Variants in SLC24A3 observed in about 807,000 individuals in gnomAD.
SLC24A3 encodes solute carrier family 24 member 3.
In SLC24A3, 28 loss-of-function variants were observed where a neutral mutation model predicts 75.8. The ratio of observed to expected loss-of-function variants is 0.37; its 90% CI spans 0.27 to 0.51. The LOEUF (loss-of-function observed/expected upper bound fraction) is 0.51, where lower values mean the gene tolerates loss of function less well. Among genes scored for constraint, SLC24A3 ranks in the 20% least tolerant of loss-of-function variants. The pLI is 0.94. For synonymous variants in SLC24A3, 372 were observed against 334.1 expected (o/e 1.11, Z -1.24); for missense variants, 663 against 847.8 (o/e 0.78, Z 2.71).
intron 3 of SLC24A3, among the ~76,000 whole-genome samples, chr20:19,556,245 G>A (rs1228341104): frequency 2.0e-5 from 3 of 152,062 alleles, no homozygotes; most frequent in Admixed American, 6.6e-5. Flanking sequence ...TAGCACCACC[G>A]GCATCCAGAG....
intron 3 of SLC24A3, among the ~76,000 whole-genome samples, chr20:19,531,319 A>C (rs781093372): frequency 2.6e-5 from 4 of 152,238 alleles, no homozygotes; most frequent in African/African-American, 7.2e-5. Context: ...GTAATTAGGA[A>C]TTCTTCTGTC....
intron 2 of SLC24A3, among the ~76,000 whole-genome samples, chr20:19,514,043 T>C (rs557899750): frequency 6.6e-6 from 1 of 152,336 alleles, no homozygotes; most frequent in African/African-American, 2.4e-5. Context: ...ACGTACCCTT[T>C]GGCCCAAACA....
At chr20:19,258,814 C>T (rs1982898616) in intron 1 of SLC24A3, among the ~76,000 whole-genome samples, 1 of 152,118 alleles carries the variant, frequency 6.6e-6, no homozygotes, top group African/African-American at 2.4e-5. Context: ...AAGCAGCAGA[C>T]AGGCAGCTTG....
intron 1 of SLC24A3, among the ~76,000 whole-genome samples, chr20:19,216,618 A>C (rs1019480425): frequency 6.6e-6 from 1 of 152,114 alleles, no homozygotes; most frequent in Non-Finnish European, 1.5e-5. Context: ...CAAAAACAGA[A>C]AAAAAGGAAA....
chr20:19,683,648 T>C (rs1340033785), intron 10 of SLC24A3, among the ~76,000 whole-genome samples: 2 of 152,204 alleles, frequency 1.3e-5, no homozygotes, highest in African/African-American at 4.8e-5. Context: ...TGAATATTGC[T>C]GACATTTGAA....
chr20:19,602,594 G>A (rs1262098319), intron 6 of SLC24A3, among the ~76,000 whole-genome samples: 2 of 152,144 alleles, frequency 1.3e-5, no homozygotes, highest in African/African-American at 4.8e-5. Context: ...TAGAATCCAA[G>A]CCATAACACA....
At chr20:19,441,165 C>G (rs1987292931) in intron 2 of SLC24A3, among the ~76,000 whole-genome samples, 1 of 152,188 alleles carries the variant, frequency 6.6e-6, no homozygotes, top group Non-Finnish European at 1.5e-5. Context: ...TGTATGGGAC[C>G]TTCCCTTCCT....
intron 2 of SLC24A3, among the ~76,000 whole-genome samples, chr20:19,470,485 T>C (rs1793269948): frequency 6.6e-6 from 1 of 152,192 alleles, no homozygotes. Context: ...CCTTAAAATA[T>C]GGATGACATC....
intron 2 of SLC24A3, among the ~76,000 whole-genome samples, chr20:19,281,839 AT>A (rs1162230817): frequency 6.6e-6 from 1 of 152,124 alleles, no homozygotes; most frequent in African/African-American, 2.4e-5. Flanking sequence ...TCTTAAAATA[AT>A]TTTTTATAAT....
chr20:19,485,501 G>A (rs1988115177), intron 2 of SLC24A3, among the ~76,000 whole-genome samples: 1 of 152,198 alleles, frequency 6.6e-6, no homozygotes, highest in African/African-American at 2.4e-5. Flanking sequence ...GAGAGACTGA[G>A]TATCCTGGTT....
At chr20:19,405,387 G>A (rs887390422) in intron 2 of SLC24A3, among the ~76,000 whole-genome samples, 2 of 152,166 alleles carry the variant, frequency 1.3e-5, no homozygotes, top group Admixed American at 6.5e-5. Flanking sequence ...GAAAGTAAAA[G>A]TTACTGTTAG....
At chr20:19,329,620 T>C (rs1487703785) in intron 2 of SLC24A3, among the ~76,000 whole-genome samples, 4 of 152,264 alleles carry the variant, frequency 2.6e-5, no homozygotes, top group Non-Finnish European at 4.4e-5. Context: ...TGCAGTATTA[T>C]TGAATTTGTT....
At chr20:19,317,443 A>T (rs1405305316) in intron 2 of SLC24A3, among the ~76,000 whole-genome samples, 1 of 152,180 alleles carries the variant, frequency 6.6e-6, no homozygotes, top group East Asian at 1.9e-4. Context: ...GCTCTGCAAG[A>T]TGACTCCCCT....
chr20:19,371,623 C>T (rs1477830368), intron 2 of SLC24A3, among the ~76,000 whole-genome samples: 1 of 152,162 alleles, frequency 6.6e-6, no homozygotes, highest in Non-Finnish European at 1.5e-5. Flanking sequence ...GGACAAAATC[C>T]CCACACTCTC....
At chr20:19,492,108 T>C (rs923753889) in intron 2 of SLC24A3, among the ~76,000 whole-genome samples, 26 of 152,162 alleles carry the variant, frequency 1.7e-4, no homozygotes, top group African/African-American at 6.3e-4. Flanking sequence ...GTGCACTAGA[T>C]CCGAAAGTTA....
chr20:19,519,553 G>A (rs942312899), intron 3 of SLC24A3, among the ~76,000 whole-genome samples: 2 of 152,258 alleles, frequency 1.3e-5, no homozygotes, highest in East Asian at 3.9e-4. Context: ...CTTACTAGTG[G>A]GGAAATCCAT....
chr20:19,568,265 C>G (rs1265096491), intron 3 of SLC24A3, among the ~76,000 whole-genome samples: 3 of 152,146 alleles, frequency 2.0e-5, no homozygotes, highest in South Asian at 4.1e-4. Context: ...TACATGTGAA[C>G]CATCAATTCC....
intron 6 of SLC24A3, among the ~76,000 whole-genome samples, chr20:19,619,523 A>G (rs1304209001): frequency 6.6e-6 from 1 of 152,226 alleles, no homozygotes; most frequent in African/African-American, 2.4e-5. Flanking sequence ...ATCTGTGATC[A>G]TGAGAATGGT....
intron 3 of SLC24A3, among the ~76,000 whole-genome samples, chr20:19,515,974 A>G (rs2029979308): frequency 6.6e-6 from 1 of 152,094 alleles, no homozygotes; most frequent in Admixed American, 6.5e-5. Flanking sequence ...TTTGCTTTTC[A>G]ACTTTTCACC....
Sources: gnomAD v4.1 joint callset for allele counts (sites outside exome capture counted in the v4.1 genomes callset) on GRCh38, gnomAD v4.1.1 for gene constraint, MANE v1.5 for transcripts, NCBI Gene and HGNC (gene_info 2026-07-23, HGNC 2026-07-21) for gene names.